The following BTAF1 variants were observed in gnomAD, a reference collection of about 807,000 sequenced individuals.
The protein encoded by BTAF1 is B-TFIID TATA-box binding protein associated factor 1.
In BTAF1, 38 loss-of-function variants were observed where a neutral mutation model predicts 227.1. The observed-to-expected ratio is 0.17, with a 90% confidence interval of 0.13 to 0.22. The LOEUF (loss-of-function observed/expected upper bound fraction) is 0.22, where lower values mean the gene tolerates loss of function less well. Ranked by LOEUF, BTAF1 falls within the 10% of genes least tolerant of loss-of-function variation. The probability of loss-of-function intolerance (pLI) is 1.00; values close to 1 mark genes in which losing one functional copy is unlikely to be tolerated. For synonymous variants in BTAF1, 742 were observed against 751.9 expected, an observed-to-expected ratio of 0.99 and a Z score of 0.21; for missense variants, 1,598 against 2,204.0, an observed-to-expected ratio of 0.73 and a Z score of 5.51.
chr10:91,996,676 TG>T, intron 24 of BTAF1, 106 bp downstream of exon 24: 2 of 1,075,160 alleles, frequency 1.9e-6, no homozygotes, highest in Non-Finnish European at 2.6e-6. Context: ...TAACCTGCCT[TG>T]TTCCAAAAAA....
At chr10:91,985,917 G>C (rs1391617434) in intron 19 of BTAF1, among the ~76,000 whole-genome samples, 2 of 151,796 alleles carry the variant, frequency 1.3e-5, no homozygotes, top group East Asian at 1.9e-4. Context: ...TTTGCCTTTT[G>C]ATTCTCTTAA....
intron 1 of BTAF1, among the ~76,000 whole-genome samples, chr10:91,924,841 G>A (rs145012140): frequency 5.3e-5 from 8 of 152,316 alleles, no homozygotes; most frequent in Non-Finnish European, 1.2e-4. Flanking sequence ...TTTGTAAGCG[G>A]AATTTGGTGA....
In BTAF1 at chr10:91,953,815, A is replaced by G. The variant is rs779111858; in HGVS notation, c.643A>G (p.Met215Val). Residue 215 changes from methionine (M) to valine (V), a missense_variant, in exon 6 of 38, where the codon ATG becomes GTG. This residue lies in a region of BTAF1 where 298 missense variants were observed against 395.2 expected (regional missense o/e 0.75). Coordinates refer to ENST00000265990, the MANE Select transcript of BTAF1 (RefSeq NM_003972.3). ...SNRQKNKAKR[M>V]AKLFAKQRSR... The stretch of plus-strand genomic sequence containing the variant: ...TAGACAAAAGAACAAAGCTAAAAGA[A>G]TGGCCAAGTTATTTGCAAAACAGAG... 2 of 1,614,090 alleles carry G rather than the reference A, an allele frequency of 1.2e-6. No homozygotes were observed. Among genetic ancestry groups the G allele is most frequent in the Non-Finnish European group, 1.7e-6 (2 of 1,179,960 alleles).
In BTAF1 at chr10:91,989,383, A is replaced by G. The variant is rs780300941; in HGVS notation, c.2657A>G (p.Lys886Arg). 6.2e-7 allele frequency: 1 copy of G among 1,614,196 alleles called. No homozygotes were observed. The highest frequency in any genetic ancestry group is 2.2e-5 in the East Asian group (1 of 44,884). Residue 886 changes from lysine to arginine, a missense_variant, in exon 20 of 38, where the codon AAA (lysine) becomes AGA (arginine). By Grantham distance (26) the Lys-to-Arg change is conservative. Around this residue, in one of 10 missense-constraint regions of BTAF1, gnomAD observed 425 missense variants for 491.2 expected, o/e 0.87. Coordinates refer to ENST00000265990, the MANE Select transcript of BTAF1 (RefSeq NM_003972.3). ...PIIKPLMETIKKEENTLVQNY... is the reference protein window; with the variant it reads ...PIIKPLMETIRKEENTLVQNY... ...ATAAAACCATTAATGGAGACAATTA[A>G]AAAAGAAGAGAATACACTAGTGCAA...
At position 92,002,223 on chromosome 10, in the gene BTAF1, G is replaced by A. The variant is rs138015713; in HGVS notation, c.3660+4472G>A. Among the ~76,000 whole-genome samples, 665 of 152,172 alleles carry A rather than the reference G, an allele frequency of 4.4e-3. 3 individuals carry two copies. The highest frequency in any genetic ancestry group is 0.015 in the African/African-American group (618 of 41,504). ...TAGCAATAGAAACAAGAATGATGTCGTTTAAGTTCATTCCTGTTCCTCTTT... is the reference window on the plus strand; with the variant it reads ...TAGCAATAGAAACAAGAATGATGTCATTTAAGTTCATTCCTGTTCCTCTTT... On this transcript the variant is annotated intron_variant, in intron 25 of 37. Coordinates refer to ENST00000265990, the MANE Select transcript of BTAF1 (RefSeq NM_003972.3).
At position 92,029,873 on chromosome 10, in the gene BTAF1, G is replaced by A. The variant is rs1330240236; in HGVS notation, c.*940G>A. 4 of 152,426 alleles carry A rather than the reference G, an allele frequency of 2.6e-5. No individual in the cohort carries two copies. The highest frequency in any genetic ancestry group is 5.9e-5 in the Non-Finnish European group (4 of 67,944). The allele number at this position is 152,426 out of a possible 1,614,324, so 9.4% of individuals were successfully genotyped here. On this transcript the variant is annotated 3_prime_UTR_variant, in exon 38 of 38. Transcript: ENST00000265990. ...AATATGCATATCTATATGCATAGAT[G>A]TACCTATCCTGCACCCAAAAAGGTG...
chr10:92,028,696 T>C (rs1473347664), intron 37 of BTAF1, 94 bp from the exon 38 acceptor site: 6 of 1,229,142 alleles, frequency 4.9e-6, no homozygotes, highest in East Asian at 5.2e-5. Context: ...TGTTGAATAA[T>C]TGTATTAGAA....
chr10:92,002,073 A>C (rs1406344284), intron 25 of BTAF1, among the ~76,000 whole-genome samples: 1 of 151,996 alleles, frequency 6.6e-6, no homozygotes. Flanking sequence ...ACAATGAAAA[A>C]TATAAGAATG....
At chr10:92,009,559 T>C (rs147709122) in intron 28 of BTAF1, among the ~76,000 whole-genome samples, 4 of 152,318 alleles carry the variant, frequency 2.6e-5, no homozygotes, top group South Asian at 4.1e-4. Context: ...CTTTGAGCCA[T>C]GTGCAGGGGA....
intron 33 of BTAF1, among the ~76,000 whole-genome samples, chr10:92,016,778 C>T (rs934077940): frequency 2.0e-5 from 3 of 152,044 alleles, no homozygotes; most frequent in East Asian, 3.9e-4. Context: ...TCTGGCCCAT[C>T]CCACTTTTTA....
At chr10:92,026,074 C>T (rs1590009696) in intron 35 of BTAF1, among the ~76,000 whole-genome samples, 1 of 152,274 alleles carries the variant, frequency 6.6e-6, no homozygotes, top group East Asian at 1.9e-4. Context: ...TATTGCTTGA[C>T]TTGTAGTAAG....
rs752028541 is a variant in BTAF1, at chr10:91,981,797, G to A, written c.1905+5G>A. ...GAAGTAAAAGCTAGAGCCAAGGTAA[G>A]TGTAGAGGGACATAGTGTATTTGTG... On this transcript the variant is annotated splice_donor_5th_base_variant and intron_variant, in intron 16 of 37. Coordinates refer to ENST00000265990, the MANE Select transcript of BTAF1 (RefSeq NM_003972.3). 6.2e-7 allele frequency: 1 copy of A among 1,610,872 alleles called. No individual in the cohort carries two copies. Among genetic ancestry groups the A allele is most frequent in the African/African-American group, 1.3e-5 (1 of 74,724 alleles).
Position 91,964,088 on chromosome 10 carries a change from T to G in BTAF1, c.1416T>G (p.Ile472Met). 1 of 1,613,270 alleles carries G rather than the reference T, an allele frequency of 6.2e-7. No individual in the cohort carries two copies. Among genetic ancestry groups the G allele is most frequent in the Non-Finnish European group, 8.5e-7 (1 of 1,179,802 alleles). The change falls in exon 13 of 38, where the codon ATT becomes ATG. Residue 472 changes from isoleucine (I) to methionine (M), a missense_variant. By Grantham distance (10) the Ile-to-Met change is conservative (BLOSUM62 1). Around this residue, in one of 10 missense-constraint regions of BTAF1, gnomAD observed 318 missense variants for 435.0 expected, o/e 0.73. Coordinates refer to ENST00000265990, the MANE Select transcript of BTAF1 (RefSeq NM_003972.3). ...VYLQTQKVPF[I>M]INTLWDALLE... ...AACTGATCTTATAGGTGCCCTTCAT[T>G]ATAAATACATTGTGGGATGCTCTTC...
intron 25 of BTAF1, among the ~76,000 whole-genome samples, chr10:91,998,571 G>A (rs1849294904): frequency 1.3e-5 from 2 of 152,128 alleles, no homozygotes; most frequent in South Asian, 4.2e-4. Flanking sequence ...AAACTGAAGT[G>A]GCTTGAAACA....
chr10:91,935,563 C>G, intron 1 of BTAF1, 94 bp from the exon 2 acceptor site: 1 of 1,352,602 alleles, frequency 7.4e-7, no homozygotes. Flanking sequence ...CGTAGGTCTT[C>G]ATTCATAGCA....
chr10:91,959,723 T>C, intron 9 of BTAF1, 62 bp from the exon 10 acceptor site: 1 of 359,402 alleles, frequency 2.8e-6, no homozygotes. Flanking sequence ...AAAAAATGTG[T>C]GTGTGTGTGT....
intron 14 of BTAF1, 50 bp from the exon 15 acceptor site, chr10:91,980,404 A>T: frequency 2.3e-6 from 3 of 1,333,158 alleles, no homozygotes; most frequent in Non-Finnish European, 3.2e-6. Flanking sequence ...CAGGTAAGCT[A>T]ACATCCAAGA....
chr10:92,015,736 T>A (rs985086812), intron 32 of BTAF1, among the ~76,000 whole-genome samples: 12 of 152,320 alleles, frequency 7.9e-5, no homozygotes, highest in African/African-American at 2.9e-4. Context: ...TGGCTTTGTT[T>A]AGCATTCACA....
rs368216368 is a variant in BTAF1 at position 92,008,815 on chromosome 10, T to C, written c.3814-14T>C. 1.2e-5 allele frequency: 19 copies of C among 1,555,468 alleles called. No individual in the cohort carries two copies. The African/African-American group carries it at 2.6e-4, about 22-fold the overall frequency. On this transcript the variant is annotated splice_polypyrimidine_tract_variant and intron_variant, in intron 26 of 37. Coordinates refer to ENST00000265990, the MANE Select transcript of BTAF1 (RefSeq NM_003972.3). ...TTATGATGTATTCACATTTATGATT[T>C]TTCTCTCTATCAGGATGGTGTGAAC... is the stretch of plus-strand genomic sequence containing the variant.
Sources: allele counts gnomAD v4.1 joint callset (sites outside exome capture counted in the v4.1 genomes callset), GRCh38; gene constraint gnomAD v4.1.1; regional missense constraint gnomAD v4.1.1; transcripts MANE v1.5; gene names NCBI Gene and HGNC (gene_info 2026-07-23, HGNC 2026-07-21).